Variants in TTC7A observed in about 807,000 individuals in gnomAD.
TTC7A encodes tetratricopeptide repeat protein 7A.
Under a neutral mutation model 103.7 loss-of-function variants are expected in TTC7A, and 110 were observed. That is an observed-to-expected ratio of 1.06 (90% CI 0.91 to 1.24). The LOEUF is 1.24. TTC7A is among the 50% of genes most tolerant of loss of function. The pLI is 0.00. For synonymous variants in TTC7A, 521 were observed against 467.9 expected (o/e 1.11, Z -1.47); for missense variants, 1,340 against 1,116.3 (o/e 1.20, Z -2.86).
At chr2:46,922,671 A>G (rs13432591) in intron 2 of TTC7A, among the ~76,000 whole-genome samples, 11,778 of 152,022 alleles carry the variant, frequency 0.077, 566 homozygotes, top group Middle Eastern at 0.12. Context: ...AACCACTCAG[A>G]GTTTCTCCCA....
Position 47,005,918 on chromosome 2 carries a change from A to C in TTC7A, c.1066-4A>C. 1 of 1,614,126 alleles carries C rather than the reference A, an allele frequency of 6.2e-7. No individual in the cohort carries two copies. The highest frequency in any genetic ancestry group is 1.3e-5 in the African/African-American group (1 of 75,058). ...CTCTTTCCCAAACAATGTCCCACCC[A>C]CAGGCAACTCGAGATGTGGTGCTGA... On this transcript the variant is annotated splice_polypyrimidine_tract_variant and splice_region_variant and intron_variant, in intron 8 of 19. Coordinates refer to ENST00000319190, the MANE Select transcript of TTC7A (RefSeq NM_020458.4).
At chr2:47,033,620 T>TA (rs1680791588) in intron 15 of TTC7A, among the ~76,000 whole-genome samples, 2 of 152,214 alleles carry the variant, frequency 1.3e-5, no homozygotes, top group Admixed American at 1.3e-4. Flanking sequence ...TGCAGCAACT[T>TA]ACTCCTCTTC....
At chr2:47,015,139 G>A (rs931860356) in intron 11 of TTC7A, among the ~76,000 whole-genome samples, 2 of 152,242 alleles carry the variant, frequency 1.3e-5, no homozygotes, top group African/African-American at 4.8e-5. Flanking sequence ...ACTCAGTGAC[G>A]CCAGCACTGA....
upstream of TTC7A, among the ~76,000 whole-genome samples, chr2:46,937,587 A>G (rs914687022): frequency 4.6e-5 from 7 of 152,312 alleles, no homozygotes; most frequent in Admixed American, 2.6e-4. This position sits in a 1 kb window ranked among gnomAD's most constrained non-coding sequence, Gnocchi z 4.0. Flanking sequence ...TCAGAATGGA[A>G]AACCCCCCAA....
At chr2:46,981,203 T>G (rs2104290253) in intron 5 of TTC7A, among the ~76,000 whole-genome samples, 2 of 152,064 alleles carry the variant, frequency 1.3e-5, no homozygotes, top group East Asian at 3.9e-4. Context: ...ATCTTTCGTG[T>G]TTTTCTATGT....
chr2:46,994,271 A>G (rs1675921195), intron 6 of TTC7A, 86 bp from the exon 7 acceptor site: 5 of 1,481,630 alleles, frequency 3.4e-6, no homozygotes, highest in Non-Finnish European at 4.5e-6. Context: ...GGGCAGATTT[A>G]GCTGGGATGG....
At chr2:47,022,837 C>T (rs570256016) in intron 12 of TTC7A, among the ~76,000 whole-genome samples, 1 of 152,350 alleles carries the variant, frequency 6.6e-6, no homozygotes, top group African/African-American at 2.4e-5. Flanking sequence ...CGGTTGCTTT[C>T]TAAGCTTTCG....
At chr2:46,999,198 T>C (rs1037661535) in intron 8 of TTC7A, among the ~76,000 whole-genome samples, 2 of 151,924 alleles carry the variant, frequency 1.3e-5, no homozygotes, top group African/African-American at 4.8e-5. Context: ...CATCCATCCA[T>C]CCACCCATTC....
At chr2:47,013,517 G>T (rs564768041) in intron 11 of TTC7A, among the ~76,000 whole-genome samples, 3 of 152,274 alleles carry the variant, frequency 2.0e-5, no homozygotes, top group East Asian at 1.9e-4. Context: ...TCTCTGAGGG[G>T]GTGTAGCGGG....
At chr2:46,916,572 C>G (rs1368525871) in exon 1 of TTC7A, 1 of 153,202 alleles carries the variant, frequency 6.5e-6, no homozygotes, top group Non-Finnish European at 1.5e-5. Context: ...ACAAGATTAA[C>G]ATTCAGTAAG....
At position 46,941,248 on chromosome 2, in the gene TTC7A, G is replaced by C. The variant is rs544329995; in HGVS notation, c.-294G>C. ...TGTGGCAGCAGCTGCAGCGGCGGCG[G>C]CGGCGGCAGCGCCAGGAGCTGCTAC... On this transcript the variant is annotated 5_prime_UTR_variant, in exon 1 of 20. Coordinates refer to ENST00000319190, the MANE Select transcript of TTC7A (RefSeq NM_020458.4). This position sits in a 1 kb window ranked among gnomAD's most constrained non-coding sequence, Gnocchi z 4.2. 618 of 152,018 alleles carry C rather than the reference G, an allele frequency of 4.1e-3. 10 individuals carry two copies. The highest frequency in any genetic ancestry group is 0.014 in the African/African-American group (593 of 41,170). The allele number at this position is 152,018 out of a possible 1,614,324, so 9.4% of individuals were successfully genotyped here.
chr2:46,937,876 CAA>C (rs1670059708), upstream of TTC7A, among the ~76,000 whole-genome samples: 1 of 152,054 alleles, frequency 6.6e-6, no homozygotes, highest in Non-Finnish European at 1.5e-5. The surrounding 1 kb of genome is among the most constrained non-coding windows in gnomAD (Gnocchi z 4.0). Flanking sequence ...AGTTCTTTGT[CAA>C]GAGAGAAGTC....
At chr2:46,989,828 GTGTGTGTGTGTGCATC>G (rs1377332558) in intron 5 of TTC7A, among the ~76,000 whole-genome samples, 1 of 151,622 alleles carries the variant, frequency 6.6e-6, no homozygotes, top group African/African-American at 2.4e-5. Flanking sequence ...ATCTGTGTGT[GTGTGTGTGTGTGCATC>G]TGTGTGTGTG....
At chr2:46,963,263 C>T (rs918294019) in intron 3 of TTC7A, among the ~76,000 whole-genome samples, 1 of 152,142 alleles carries the variant, frequency 6.6e-6, no homozygotes, top group African/African-American at 2.4e-5. Flanking sequence ...AGCTGTCTTG[C>T]ATTGTTTTAT....
chr2:46,991,387 A>G (rs1160044890), intron 5 of TTC7A, among the ~76,000 whole-genome samples: 1 of 152,030 alleles, frequency 6.6e-6, no homozygotes, highest in Non-Finnish European at 1.5e-5. Flanking sequence ...TAATCCCAGC[A>G]CTTTGAGAGG....
intron 5 of TTC7A, among the ~76,000 whole-genome samples, chr2:46,991,750 T>C (rs1054140631): frequency 1.3e-5 from 2 of 152,118 alleles, no homozygotes; most frequent in African/African-American, 4.8e-5. Flanking sequence ...CTAAGTGAAG[T>C]CTTCATTTTA....
intron 2 of TTC7A, among the ~76,000 whole-genome samples, chr2:46,932,372 C>G (rs1213669397): frequency 6.6e-6 from 1 of 152,140 alleles, no homozygotes; most frequent in Admixed American, 6.5e-5. Flanking sequence ...TGGTCTCAAA[C>G]TCTTGACCTC....
intron 8 of TTC7A, among the ~76,000 whole-genome samples, chr2:47,003,630 G>T (rs914631638): frequency 7.2e-5 from 11 of 152,188 alleles, no homozygotes; most frequent in African/African-American, 1.2e-4. Context: ...GATGTGCCCA[G>T]CCAAGCTTCT....
upstream of TTC7A, among the ~76,000 whole-genome samples, chr2:46,939,736 G>C (rs1368766743): frequency 6.6e-6 from 1 of 152,176 alleles, no homozygotes; most frequent in Non-Finnish European, 1.5e-5. Context: ...GTGTGTTCTC[G>C]GGTCACCCTA....
Sources: allele counts gnomAD v4.1 joint callset (sites outside exome capture counted in the v4.1 genomes callset), GRCh38; gene constraint gnomAD v4.1.1; non-coding constraint Gnocchi (gnomAD v3.1); transcripts MANE v1.5; gene names NCBI Gene and HGNC (gene_info 2026-07-23, HGNC 2026-07-21).